The following PCDHGA1 variants were observed in gnomAD, a reference collection of about 807,000 sequenced individuals.
PCDHGA1 encodes protocadherin gamma-A1.
A neutral mutation model predicts 58.0 loss-of-function variants in PCDHGA1; 32 were observed. That is an observed-to-expected ratio of 0.55 (90% CI 0.42 to 0.74). The LOEUF is 0.74. Among genes scored for constraint, PCDHGA1 ranks in the 30% least tolerant of loss-of-function variants. The probability of loss-of-function intolerance (pLI) is 0.00; values close to 1 mark genes in which losing one functional copy is unlikely to be tolerated. For synonymous variants in PCDHGA1, 498 were observed against 501.1 expected (o/e 0.99, Z 0.08); for missense variants, 1,205 against 1,182.3 (o/e 1.02, Z -0.28).
chr5:141,405,165 C>T (rs745998723), intron 1 of PCDHGA1: 1 of 1,614,096 alleles, frequency 6.2e-7, no homozygotes, highest in Admixed American at 1.7e-5. Flanking sequence ...GTGCCCACCT[C>T]ACACTTTGTG....
chr5:141,365,093 A>G (rs528661266), intron 1 of PCDHGA1: 1 of 1,613,880 alleles, frequency 6.2e-7, no homozygotes, highest in African/African-American at 1.3e-5. Context: ...TCCAGAGAAC[A>G]TACCTGTGGG....
At chr5:141,399,836 T>C (rs2093900703) in intron 1 of PCDHGA1, 2 of 1,613,080 alleles carry the variant, frequency 1.2e-6, no homozygotes, top group East Asian at 2.2e-5. Context: ...GGCTCTGCGC[T>C]CTTCGATATG....
At chr5:141,370,637 T>A (rs749641470) in intron 1 of PCDHGA1, 1 of 1,613,770 alleles carries the variant, frequency 6.2e-7, no homozygotes, top group South Asian at 1.1e-5. Flanking sequence ...GCCCCGAAAA[T>A]GGGAACTTAC....
At chr5:141,374,794 C>G (rs369215509) in intron 1 of PCDHGA1, 6 of 1,613,916 alleles carry the variant, frequency 3.7e-6, no homozygotes, top group Non-Finnish European at 5.1e-6. Flanking sequence ...ATGTGAATGA[C>G]AACACTCCAA....
rs2096271749 is a variant in PCDHGA1, at chr5:141,418,581, T to G, written c.2422-76226T>G. On this transcript the variant is annotated intron_variant, in intron 1 of 3. Coordinates refer to ENST00000517417, the MANE Select transcript of PCDHGA1 (RefSeq NM_018912.3). The stretch of plus-strand genomic sequence containing the variant: ...ATAGATGCCAATGACAACCCCCCAG[T>G]GTTCAGCCAGGACGTGTACAGGGTT... The G allele has an allele frequency of 2.5e-6, 4 of 1,613,854 alleles. No homozygotes were observed. The South Asian group carries it at 4.4e-5, about 18-fold the overall frequency.
intron 1 of PCDHGA1, chr5:141,372,748 C>A: frequency 1.1e-5 from 17 of 1,613,132 alleles, no homozygotes; most frequent in Non-Finnish European, 1.4e-5. Flanking sequence ...TGTGATGAAG[C>A]CTCTTGGTTT....
chr5:141,371,694 T>C, intron 1 of PCDHGA1: 1 of 1,614,030 alleles, frequency 6.2e-7, no homozygotes, highest in African/African-American at 1.3e-5. Flanking sequence ...ACCGCTCTCC[T>C]CCAGCAAGAC....
intron 1 of PCDHGA1, chr5:141,346,004 T>G: frequency 1.9e-6 from 3 of 1,613,406 alleles, no homozygotes; most frequent in Middle Eastern, 3.5e-4. Context: ...TCTCCGCCAC[T>G]GTCACGCTCA....
In PCDHGA1 at chr5:141,487,747, CTA is replaced by C. The variant is rs2099663990; in HGVS notation, c.2422-7058_2422-7057del. 1 of 1,558,062 alleles carries C rather than the reference CTA, an allele frequency of 6.4e-7. No individual in the cohort carries two copies. The highest frequency in any genetic ancestry group is 2.4e-5 in the East Asian group (1 of 41,708). On this transcript the variant is annotated intron_variant, in intron 1 of 3. Coordinates refer to ENST00000517417, the MANE Select transcript of PCDHGA1 (RefSeq NM_018912.3). This position sits in a 1 kb window ranked among gnomAD's most constrained non-coding sequence, Gnocchi z 5.0. ...ATGTCACCATTTTTGTAAGAGGTAA[CTA>C]TGTGGTAGACGCTGTGCTTTGTAAC... is the stretch of plus-strand genomic sequence containing the variant.
At chr5:141,381,826 C>CTTCTTTTTTTTTT (rs1777532522) in intron 1 of PCDHGA1, among the ~76,000 whole-genome samples, 2 of 74,284 alleles carry the variant, frequency 2.7e-5, no homozygotes, top group African/African-American at 1.2e-4. Context: ...CTTTCTTCTT[C>CTTCTTTTTTTTTT]TTTTTTTTTT....
intron 1 of PCDHGA1, among the ~76,000 whole-genome samples, chr5:141,444,735 C>A (rs924159168): frequency 1.3e-5 from 2 of 152,116 alleles, no homozygotes; most frequent in Admixed American, 1.3e-4. Context: ...TGTTGAAAGT[C>A]ATTTCACTGA....
intron 1 of PCDHGA1, chr5:141,395,370 G>A (rs377682598): frequency 1.7e-6 from 2 of 1,207,198 alleles, no homozygotes; most frequent in South Asian, 1.7e-5. Flanking sequence ...GTTTATTTTG[G>A]TGGTGTTACT....
chr5:141,350,066 G>A, intron 1 of PCDHGA1: 1 of 416,630 alleles, frequency 2.4e-6, no homozygotes, highest in Non-Finnish European at 4.2e-6. Context: ...GGAAGTGAAG[G>A]CTTCTCAATT....
rs1362099045 is a variant in PCDHGA1, at chr5:141,346,692, T to C, written c.2421+13587T>C. Among the ~76,000 whole-genome samples the C allele has an allele frequency of 5.8e-4, 89 of 152,326 alleles. 1 individual carries two copies. The highest frequency in any genetic ancestry group is 1.9e-4 in the Non-Finnish European group (13 of 68,032). On this transcript the variant is annotated intron_variant, in intron 1 of 3. Coordinates refer to ENST00000517417, the MANE Select transcript of PCDHGA1 (RefSeq NM_018912.3). ...ATCGTGAGTGAAAGTAAAGTGTCAC[T>C]TCCTAGAGGAATCTGCCACTGTGAG...
Position 141,477,102 on chromosome 5 carries a change from C to T in PCDHGA1, c.2422-17705C>T. 2.5e-6 allele frequency: 4 copies of T among 1,614,232 alleles called. No homozygotes were observed. The South Asian group carries it at 4.4e-5, about 18-fold the overall frequency. On this transcript the variant is annotated intron_variant, in intron 1 of 3. Coordinates refer to ENST00000517417, the MANE Select transcript of PCDHGA1 (RefSeq NM_018912.3). This position sits in a 1 kb window ranked among gnomAD's most constrained non-coding sequence, Gnocchi z 4.9. Reference sequence around the variant, plus strand: ...TACATCCAGGCCAAAGACAAGGGCGCCAATCCCGAAGGAGCACATTGCAAA... The same window carrying T: ...TACATCCAGGCCAAAGACAAGGGCGTCAATCCCGAAGGAGCACATTGCAAA...
intron 1 of PCDHGA1, chr5:141,420,568 T>C (rs2096507107): frequency 8.5e-6 from 2 of 235,080 alleles, no homozygotes; most frequent in African/African-American, 2.3e-5. Flanking sequence ...CGGCATGGTA[T>C]TTTAATTGAA....
At chr5:141,359,574 T>C (rs1001911396) in intron 1 of PCDHGA1, among the ~76,000 whole-genome samples, 1 of 151,702 alleles carries the variant, frequency 6.6e-6, no homozygotes, top group African/African-American at 2.4e-5. Context: ...GATATGATCT[T>C]TAAGATATAA....
intron 1 of PCDHGA1, among the ~76,000 whole-genome samples, chr5:141,437,431 A>G (rs1282194918): frequency 6.6e-6 from 1 of 152,234 alleles, no homozygotes; most frequent in African/African-American, 2.4e-5. Flanking sequence ...TGAAGCAGCA[A>G]TAGCATAGGA....
chr5:141,382,757 C>T, intron 1 of PCDHGA1: 2 of 657,638 alleles, frequency 3.0e-6, no homozygotes, highest in East Asian at 2.7e-5. Flanking sequence ...GCGATAAGCC[C>T]TCTTCCAGGC....
Sources: allele counts gnomAD v4.1 joint callset (sites outside exome capture counted in the v4.1 genomes callset), GRCh38; gene constraint gnomAD v4.1.1; non-coding constraint Gnocchi (gnomAD v3.1); transcripts MANE v1.5; gene names NCBI Gene and HGNC (gene_info 2026-07-23, HGNC 2026-07-21).